The following LYRM4 variants were observed in gnomAD, a reference collection of about 807,000 sequenced individuals.
LYRM4 encodes LYR motif-containing protein 4.
In LYRM4, 9 loss-of-function variants were observed where a neutral mutation model predicts 11.7. That is an observed-to-expected ratio of 0.77 (90% confidence interval 0.46 to 1.34). The LOEUF is 1.34. LYRM4 is among the 40% of genes most tolerant of loss of function. The probability of loss-of-function intolerance (pLI) is 0.00; values close to 1 mark genes in which losing one functional copy is unlikely to be tolerated. For synonymous variants in LYRM4, 42 were observed against 40.4 expected (o/e 1.04, Z -0.15); for missense variants, 133 against 112.5 (o/e 1.18, Z -0.82).
intron 1 of LYRM4, among the ~76,000 whole-genome samples, chr6:5,252,151 T>C (rs569209132): frequency 1.8e-4 from 27 of 152,280 alleles, no homozygotes; most frequent in Middle Eastern, 6.8e-3. Flanking sequence ...ATTTCACCTA[T>C]AAGGAGGAAC....
chr6:5,249,928 T>C (rs1162337568), intron 1 of LYRM4, among the ~76,000 whole-genome samples: 2 of 152,224 alleles, frequency 1.3e-5, no homozygotes, highest in African/African-American at 4.8e-5. Flanking sequence ...AGTCTGCATA[T>C]GACTATTGAC....
intron 2 of LYRM4, among the ~76,000 whole-genome samples, chr6:5,130,974 A>C (rs1253245243): frequency 6.6e-6 from 1 of 152,226 alleles, no homozygotes; most frequent in African/African-American, 2.4e-5. Context: ...AATCAACTCC[A>C]TCAGCCATAA....
At chr6:5,090,268 C>CACTGG in the LYRM4 span, among the ~76,000 whole-genome samples, 1 of 152,170 alleles carries the variant, frequency 6.6e-6, no homozygotes, top group Non-Finnish European at 1.5e-5. This position sits in a 1 kb window ranked among gnomAD's most constrained non-coding sequence, Gnocchi z 4.8. Context: ...GTCCATGGAT[C>CACTGG]ACTGGGTGAG....
intron 2 of LYRM4, among the ~76,000 whole-genome samples, chr6:5,184,623 G>A (rs997258138): frequency 3.3e-5 from 5 of 152,196 alleles, no homozygotes; most frequent in South Asian, 2.1e-4. Context: ...TAAATGAACA[G>A]GATGTAAGCA....
intron 1 of LYRM4, among the ~76,000 whole-genome samples, chr6:5,232,246 C>A (rs1335158689): frequency 2.0e-5 from 3 of 152,214 alleles, no homozygotes; most frequent in African/African-American, 7.2e-5. Flanking sequence ...TCAGGGCACA[C>A]TGAGGCTGAA....
At chr6:5,130,845 G>C (rs1436652086) in intron 2 of LYRM4, among the ~76,000 whole-genome samples, 1 of 151,986 alleles carries the variant, frequency 6.6e-6, no homozygotes, top group African/African-American at 2.4e-5. Context: ...AAGTAGAATG[G>C]AATTTCCAAA....
At chr6:5,071,356 C>G in the LYRM4 span, among the ~76,000 whole-genome samples, 13 of 152,030 alleles carry the variant, frequency 8.6e-5, no homozygotes, top group African/African-American at 2.9e-4. Flanking sequence ...TTTTTTTAAA[C>G]CACACTAAAT....
At chr6:5,157,339 C>T (rs753990122) in intron 2 of LYRM4, among the ~76,000 whole-genome samples, 1 of 152,098 alleles carries the variant, frequency 6.6e-6, no homozygotes, top group South Asian at 2.1e-4. Context: ...GACTATGATG[C>T]AGTACTCTGA....
intron 1 of LYRM4, among the ~76,000 whole-genome samples, chr6:5,242,148 C>T (rs1763918090): frequency 1.3e-5 from 2 of 151,098 alleles, no homozygotes; most frequent in South Asian, 4.2e-4. Flanking sequence ...TCTCGGCTCA[C>T]TGCAACCTCT....
intron 1 of LYRM4, among the ~76,000 whole-genome samples, chr6:5,224,244 G>C (rs1020976662): frequency 2.0e-5 from 3 of 152,184 alleles, no homozygotes; most frequent in Non-Finnish European, 4.4e-5. Flanking sequence ...AAATAAATTA[G>C]TGGCATAAAA....
At chr6:5,214,897 T>TC (rs2127721658) in intron 2 of LYRM4, among the ~76,000 whole-genome samples, 1 of 152,310 alleles carries the variant, frequency 6.6e-6, no homozygotes, top group South Asian at 2.1e-4. Flanking sequence ...TTCTGCAAGG[T>TC]CGCCGTGTGT....
At chr6:5,179,065 CAA>C (rs58749743) in intron 2 of LYRM4, among the ~76,000 whole-genome samples, 163 of 103,886 alleles carry the variant, frequency 1.6e-3, no homozygotes, top group African/African-American at 4.9e-3. Context: ...ACCAAAAAAA[CAA>C]AAAAAAAAAA....
At chr6:5,040,352 G>GATAGATAGATAGATAGATAGATACATAC in the LYRM4 span, among the ~76,000 whole-genome samples, 2 of 130,122 alleles carry the variant, frequency 1.5e-5, no homozygotes, top group African/African-American at 3.4e-5. Flanking sequence ...TAGATAGATA[G>GATAGATAGATAGATAGATAGATACATAC]ATACATACAT....
chr6:5,094,703 G>T, the LYRM4 span, among the ~76,000 whole-genome samples: 1 of 152,126 alleles, frequency 6.6e-6, no homozygotes, highest in South Asian at 2.1e-4. Context: ...CAATTCTGAG[G>T]ATTTTCTTGT....
At chr6:5,093,129 C>A in the LYRM4 span, among the ~76,000 whole-genome samples, 4 of 152,218 alleles carry the variant, frequency 2.6e-5, no homozygotes, top group Non-Finnish European at 5.9e-5. Flanking sequence ...CAAAAAACCC[C>A]ACCTGAACTA....
At chr6:5,193,299 A>C (rs1760870161) in intron 2 of LYRM4, among the ~76,000 whole-genome samples, 1 of 151,356 alleles carries the variant, frequency 6.6e-6, no homozygotes, top group African/African-American at 2.5e-5. Flanking sequence ...TTTAAAAAAA[A>C]ACCAGAAAAC....
chr6:5,140,929 G>A (rs1025963431), intron 2 of LYRM4, among the ~76,000 whole-genome samples: 3 of 152,128 alleles, frequency 2.0e-5, no homozygotes, highest in African/African-American at 4.8e-5. Flanking sequence ...CTTCCAACTT[G>A]TTGTTCAGGT....
Position 5,108,590 on chromosome 6 carries a change from T to C in LYRM4, c.*833A>G, listed in dbSNP as rs1253987004. On this transcript the variant is annotated 3_prime_UTR_variant, in exon 3 of 3. Coordinates refer to ENST00000330636, the MANE Select transcript of LYRM4 (RefSeq NM_020408.6). ...GCAGAGAGGGAAGTGCTGAGAGATG[T>C]CTTTTTAAAAAGCTCTCCAACTCTC... is the stretch of plus-strand genomic sequence containing the variant. 1 of 357,712 alleles carries C rather than the reference T, an allele frequency of 2.8e-6. No individual in the cohort carries two copies. The highest frequency in any genetic ancestry group is 2.2e-5 in the African/African-American group (1 of 45,144). The allele number at this position is 357,712 out of a possible 1,614,324, so 22.2% of individuals were successfully genotyped here.
chr6:5,162,511 G>GAGAGAGAGAGAGAA (rs60651754), intron 2 of LYRM4, among the ~76,000 whole-genome samples: 98,192 of 147,510 alleles, frequency 0.67, 32,879 homozygotes, highest in East Asian at 0.79. Context: ...GAGAGAGAGA[G>GAGAGAGAGAGAGAA]AGAGAGAGAG....
Sources: allele counts gnomAD v4.1 joint callset (sites outside exome capture counted in the v4.1 genomes callset), GRCh38; gene constraint gnomAD v4.1.1; non-coding constraint Gnocchi (gnomAD v3.1); transcripts MANE v1.5; gene names NCBI Gene and HGNC (gene_info 2026-07-23, HGNC 2026-07-21).